Variants in TMC7 observed in about 807,000 individuals in gnomAD.
TMC7 encodes transmembrane channel like 7.
A neutral mutation model predicts 82.9 loss-of-function variants in TMC7; 54 were observed. That is an observed-to-expected ratio of 0.65 (90% CI 0.52 to 0.82). The LOEUF (loss-of-function observed/expected upper bound fraction) is 0.82, where lower values mean the gene tolerates loss of function less well. TMC7 is among the 40% of genes least tolerant of loss of function. The pLI is 0.00. For missense variants in TMC7, 820 were observed against 901.2 expected, an observed-to-expected ratio of 0.91 and a Z score of 1.15; for synonymous variants, 350 against 337.9, an observed-to-expected ratio of 1.04 and a Z score of -0.39.
intron 14 of TMC7, 115 bp from the exon 15 acceptor site, chr16:19,059,301 A>T (rs1177347408): frequency 2.6e-6 from 4 of 1,515,796 alleles, no homozygotes; most frequent in Non-Finnish European, 3.5e-6. Flanking sequence ...CATCATGCCC[A>T]GCCTTCTTTT....
chr16:18,985,896 T>G (rs1370514068), intron 1 of TMC7, among the ~76,000 whole-genome samples: 1 of 151,940 alleles, frequency 6.6e-6, no homozygotes, highest in Non-Finnish European at 1.5e-5. Flanking sequence ...TGACCAGGCA[T>G]GGTGACTCAT....
chr16:19,040,440 T>C lies in TMC7; in HGVS notation c.1331T>C (p.Ile444Thr), dbSNP rs770845593. Reference sequence around the variant, plus strand: ...CCAGGCTTTGAGATCCGTCTGACAATCCTTAGGTAATGCCTAACATGAAGA... The same window carrying C: ...CCAGGCTTTGAGATCCGTCTGACAACCCTTAGGTAATGCCTAACATGAAGA... ...YSPGFEIRLT[I>T]LRCVFMRLAT... The change falls in exon 9 of 16, where the codon ATC becomes ACC. Residue 444 changes from isoleucine to threonine, a missense_variant. Ile to Thr is a moderately conservative substitution (Grantham distance 89). Transcript: ENST00000304381. 2 of 1,610,640 alleles carry C rather than the reference T, an allele frequency of 1.2e-6. No individual in the cohort carries two copies. Among genetic ancestry groups the C allele is most frequent in the Non-Finnish European group, 1.7e-6 (2 of 1,179,688 alleles).
intron 6 of TMC7, among the ~76,000 whole-genome samples, 168 bp from the exon 7 acceptor site, chr16:19,035,508 A>G (rs985839609): frequency 7.9e-5 from 12 of 152,202 alleles, no homozygotes; most frequent in African/African-American, 2.7e-4. Flanking sequence ...CAACAATGAG[A>G]TACCTTGTTA....
chr16:19,046,816 G>C (rs898103759), intron 11 of TMC7, among the ~76,000 whole-genome samples: 4 of 148,722 alleles, frequency 2.7e-5, no homozygotes, highest in Non-Finnish European at 5.9e-5. Context: ...CTGAGTAACA[G>C]AGTGAGACCT....
At chr16:18,987,097 A>ACG in intron 1 of TMC7, among the ~76,000 whole-genome samples, 1 of 151,626 alleles carries the variant, frequency 6.6e-6, no homozygotes, top group Non-Finnish European at 1.5e-5. Flanking sequence ...GAGCCACCGT[A>ACG]CCCGGCCATA....
intron 13 of TMC7, among the ~76,000 whole-genome samples, chr16:19,055,152 T>C (rs530609721): frequency 1.1e-4 from 16 of 152,322 alleles, no homozygotes; most frequent in Admixed American, 7.9e-4. Context: ...TCTCTATGCA[T>C]ACTTTTTTTT....
chr16:19,018,989 T>C (rs1446992489), intron 3 of TMC7, among the ~76,000 whole-genome samples: 4 of 152,186 alleles, frequency 2.6e-5, no homozygotes, highest in Non-Finnish European at 5.9e-5. Context: ...TAGCTGAGAC[T>C]ACAGGCACGT....
At chr16:19,038,590 C>A (rs560370763) in intron 8 of TMC7, among the ~76,000 whole-genome samples, 2 of 151,910 alleles carry the variant, frequency 1.3e-5, no homozygotes, top group South Asian at 4.2e-4. Flanking sequence ...GATCTCAGTT[C>A]ACTGTAACCT....
In TMC7 at chr16:19,037,855, A is replaced by G. The variant is rs1391262820; in HGVS notation, c.1006-19A>G. On this transcript the variant is annotated intron_variant, in intron 7 of 15. Coordinates refer to ENST00000304381, the MANE Select transcript of TMC7 (RefSeq NM_024847.4). Reference sequence around the variant, plus strand: ...CCCTTCATCCCACTGCTCACAAGTGAATTTTCTTTTATCTTCAGGCAGATC... The same window carrying G: ...CCCTTCATCCCACTGCTCACAAGTGGATTTTCTTTTATCTTCAGGCAGATC... 4 of 1,607,354 alleles carry G rather than the reference A, an allele frequency of 2.5e-6. No homozygotes were observed. Among genetic ancestry groups the G allele is most frequent in the South Asian group, 2.2e-5 (2 of 89,652 alleles).
chr16:18,988,036 G>T (rs2038883064), intron 1 of TMC7, among the ~76,000 whole-genome samples: 1 of 152,012 alleles, frequency 6.6e-6, no homozygotes, highest in Non-Finnish European at 1.5e-5. Context: ...TAGAGACAGG[G>T]TTTCCTTCTG....
At chr16:19,049,934 T>G (rs1961448589) in intron 12 of TMC7, among the ~76,000 whole-genome samples, 1 of 152,178 alleles carries the variant, frequency 6.6e-6, no homozygotes, top group South Asian at 2.1e-4. Flanking sequence ...CTTTCTTCCC[T>G]CAATGGAAAT....
chr16:19,037,472 CTTTT>C (rs57300199), intron 7 of TMC7, among the ~76,000 whole-genome samples: 4 of 130,270 alleles, frequency 3.1e-5, no homozygotes, highest in South Asian at 4.8e-4. Flanking sequence ...TAAAAGATGT[CTTTT>C]TTTTTTTTTT....
At chr16:19,058,119 T>G (rs773717040) in intron 14 of TMC7, among the ~76,000 whole-genome samples, 1 of 152,066 alleles carries the variant, frequency 6.6e-6, no homozygotes, top group African/African-American at 2.4e-5. Flanking sequence ...CAGCCAGGCA[T>G]AGTGGCTCAC....
chr16:19,046,939 C>CT (rs1471454130), intron 11 of TMC7, 124 bp from the exon 12 acceptor site: 2 of 784,568 alleles, frequency 2.5e-6, no homozygotes, highest in African/African-American at 3.5e-5. Context: ...TATTCTGCAT[C>CT]TTTAAGACAT....
chr16:18,993,268 G>A (rs1027757163), intron 1 of TMC7, among the ~76,000 whole-genome samples: 5 of 152,194 alleles, frequency 3.3e-5, no homozygotes, highest in Non-Finnish European at 2.9e-5. Context: ...TCCACTCCAA[G>A]AGGGAGTCAA....
intron 3 of TMC7, among the ~76,000 whole-genome samples, chr16:19,021,200 A>T (rs1959956986): frequency 6.6e-6 from 1 of 152,242 alleles, no homozygotes; most frequent in Admixed American, 6.5e-5. Flanking sequence ...ATACCATGTG[A>T]CAAGTCTTAC....
At chr16:18,994,033 G>A (rs188881236) in intron 1 of TMC7, among the ~76,000 whole-genome samples, 37 of 152,150 alleles carry the variant, frequency 2.4e-4, no homozygotes, top group Admixed American at 1.8e-3. Context: ...AGTGAATGTC[G>A]GGTGGATCAG....
intron 2 of TMC7, among the ~76,000 whole-genome samples, chr16:19,010,760 G>A (rs1959284012): frequency 6.6e-6 from 1 of 152,168 alleles, no homozygotes; most frequent in Non-Finnish European, 1.5e-5. Flanking sequence ...GCTGTGGTTG[G>A]GGAGGTGTCT....
At chr16:19,038,369 GTTT>G (rs1960855383) in intron 8 of TMC7, among the ~76,000 whole-genome samples, 1 of 149,060 alleles carries the variant, frequency 6.7e-6, no homozygotes, top group Non-Finnish European at 1.5e-5. Flanking sequence ...CTAATTTTGT[GTTT>G]TTAGTAGAGA....
Sources: gnomAD v4.1 joint callset for allele counts (sites outside exome capture counted in the v4.1 genomes callset) on GRCh38, gnomAD v4.1.1 for gene constraint, MANE v1.5 for transcripts, NCBI Gene and HGNC (gene_info 2026-07-23, HGNC 2026-07-21) for gene names.